Variants in PRORP observed in about 807,000 individuals in gnomAD.
PRORP encodes the protein mitochondrial ribonuclease P catalytic subunit.
In PRORP, 51 loss-of-function variants were observed where a neutral mutation model predicts 59.4. The ratio of observed to expected loss-of-function variants is 0.86; its 90% CI spans 0.69 to 1.08. The LOEUF (loss-of-function observed/expected upper bound fraction) is 1.08. PRORP is among the 50% of genes least tolerant of loss of function. The pLI, the probability that PRORP is intolerant of heterozygous loss-of-function variation, is 0.00. For synonymous variants in PRORP, 231 were observed against 245.6 expected (o/e 0.94, Z 0.55); for missense variants, 646 against 690.3 (o/e 0.94, Z 0.72).
intron 5 of PRORP, among the ~76,000 whole-genome samples, chr14:35,218,630 C>T (rs2049684718): frequency 1.4e-5 from 2 of 147,394 alleles, no homozygotes; most frequent in East Asian, 4.1e-4. Flanking sequence ...GAGTTTAAGC[C>T]ATTCTCCTGC....
At chr14:35,154,727 T>C (rs1459300347) in intron 4 of PRORP, among the ~76,000 whole-genome samples, 1 of 150,134 alleles carries the variant, frequency 6.7e-6, no homozygotes, top group Non-Finnish European at 1.5e-5. Context: ...GATGGAGCAA[T>C]GATCTATAGA....
intron 5 of PRORP, among the ~76,000 whole-genome samples, chr14:35,256,154 G>T (rs976190744): frequency 2.7e-5 from 4 of 150,294 alleles, no homozygotes; most frequent in East Asian, 2.0e-4. Context: ...CGTGGTGGCA[G>T]GCACCTGTAA....
chr14:35,170,885 T>C (rs2048298349), intron 4 of PRORP, among the ~76,000 whole-genome samples: 1 of 152,020 alleles, frequency 6.6e-6, no homozygotes, highest in African/African-American at 2.4e-5. Context: ...GTTTCACTCT[T>C]GTTGCCCAGG....
intron 5 of PRORP, among the ~76,000 whole-genome samples, chr14:35,215,414 C>T (rs2049561881): frequency 6.6e-6 from 1 of 151,904 alleles, no homozygotes; most frequent in African/African-American, 2.4e-5. Context: ...TAAACCAATT[C>T]CTGATGTTAC....
At chr14:35,131,467 G>C (rs2047235554) in intron 4 of PRORP, among the ~76,000 whole-genome samples, 1 of 151,880 alleles carries the variant, frequency 6.6e-6, no homozygotes, top group Non-Finnish European at 1.5e-5. Context: ...CCACTGAAAA[G>C]TCTGCTGCCA....
chr14:35,236,546 A>G (rs925727208), intron 5 of PRORP, among the ~76,000 whole-genome samples: 2 of 152,184 alleles, frequency 1.3e-5, no homozygotes, highest in Non-Finnish European at 2.9e-5. Flanking sequence ...GCCAGTTTTG[A>G]TGAACATATT....
chr14:35,176,887 A>G, intron 4 of PRORP, among the ~76,000 whole-genome samples: 1 of 124,480 alleles, frequency 8.0e-6, no homozygotes, highest in East Asian at 3.8e-4. Context: ...TTTGTCATAA[A>G]TAGCTCTTAT....
intron 5 of PRORP, among the ~76,000 whole-genome samples, chr14:35,245,906 A>G (rs1272192319): frequency 6.6e-6 from 1 of 152,172 alleles, no homozygotes; most frequent in Non-Finnish European, 1.5e-5. Flanking sequence ...AGAAGGGTAC[A>G]TAGGAGGTAA....
At chr14:35,193,741 C>T (rs2139096473) in intron 5 of PRORP, among the ~76,000 whole-genome samples, 1 of 151,856 alleles carries the variant, frequency 6.6e-6, no homozygotes, top group South Asian at 2.1e-4. Flanking sequence ...TAGAAATACC[C>T]TATTATGTTT....
At chr14:35,135,165 G>C (rs1379420775) in intron 4 of PRORP, among the ~76,000 whole-genome samples, 1 of 152,222 alleles carries the variant, frequency 6.6e-6, no homozygotes, top group Non-Finnish European at 1.5e-5. Context: ...AGGGGGATGG[G>C]AGAGGAATGG....
At chr14:35,196,580 A>G (rs774890149) in intron 5 of PRORP, among the ~76,000 whole-genome samples, 2 of 152,208 alleles carry the variant, frequency 1.3e-5, no homozygotes, top group Non-Finnish European at 2.9e-5. Context: ...TGGGTAGTCA[A>G]GGGTGATATA....
intron 5 of PRORP, among the ~76,000 whole-genome samples, chr14:35,201,997 T>C (rs534878048): frequency 2.2e-5 from 3 of 139,468 alleles, no homozygotes; most frequent in Admixed American, 7.4e-5. Flanking sequence ...TGAGACAGAG[T>C]CTCGACCTGT....
chr14:35,217,043 A>G (rs1310699436), intron 5 of PRORP, among the ~76,000 whole-genome samples: 1 of 152,184 alleles, frequency 6.6e-6, no homozygotes, highest in Non-Finnish European at 1.5e-5. Context: ...CATTTTGGAT[A>G]TTAGGTCCTT....
intron 4 of PRORP, among the ~76,000 whole-genome samples, chr14:35,162,818 G>A (rs543290004): frequency 1.4e-4 from 22 of 151,968 alleles, no homozygotes; most frequent in Non-Finnish European, 2.9e-4. Flanking sequence ...CTGATGTGAG[G>A]TATAGTTCCA....
At chr14:35,145,990 G>A (rs535103483) in intron 4 of PRORP, among the ~76,000 whole-genome samples, 4 of 151,254 alleles carry the variant, frequency 2.6e-5, no homozygotes, top group African/African-American at 4.9e-5. Flanking sequence ...CACCACACCC[G>A]GCTAATTTTT....
At chr14:35,260,197 G>A (rs145328712) in intron 5 of PRORP, among the ~76,000 whole-genome samples, 121 of 151,632 alleles carry the variant, frequency 8.0e-4, no homozygotes, top group African/African-American at 2.8e-3. Context: ...ATTTTTAGTA[G>A]AGACAAAATC....
chr14:35,254,359 AGT>A (rs2050692955), intron 5 of PRORP, among the ~76,000 whole-genome samples: 1 of 151,724 alleles, frequency 6.6e-6, no homozygotes, highest in Non-Finnish European at 1.5e-5. Context: ...AAGTCATGTC[AGT>A]CTCCTGTTTT....
chr14:35,219,565 A>G (rs2049717066), intron 5 of PRORP, among the ~76,000 whole-genome samples: 1 of 152,226 alleles, frequency 6.6e-6, no homozygotes, highest in Admixed American at 6.5e-5. Context: ...CCTTACCTGC[A>G]TGATTTGGAT....
intron 4 of PRORP, among the ~76,000 whole-genome samples, chr14:35,144,848 A>G (rs1309842518): frequency 1.4e-5 from 2 of 146,054 alleles, no homozygotes; most frequent in African/African-American, 4.9e-5. Flanking sequence ...TTTTCTTTCT[A>G]TTGTAAAAGT....
Sources: allele counts gnomAD v4.1 joint callset (sites outside exome capture counted in the v4.1 genomes callset), GRCh38; gene constraint gnomAD v4.1.1; transcripts MANE v1.5; gene names NCBI Gene and HGNC (gene_info 2026-07-23, HGNC 2026-07-21).